The following MTMR9 variants were observed in gnomAD, a reference collection of about 807,000 sequenced individuals.
MTMR9 encodes the protein myotubularin-related protein 9.
In MTMR9, 39 loss-of-function variants were observed where a neutral mutation model predicts 69.5. The ratio of observed to expected loss-of-function variants is 0.56; its 90% CI spans 0.43 to 0.73. The LOEUF (loss-of-function observed/expected upper bound fraction) is 0.73, where lower values mean the gene tolerates loss of function less well. Ranked by LOEUF, MTMR9 falls within the 30% of genes least tolerant of loss-of-function variation. The pLI is 0.00. For missense variants in MTMR9, 900 were observed against 671.2 expected (o/e 1.34, Z -3.77); for synonymous variants, 354 against 240.8 (o/e 1.47, Z -4.35).
In MTMR9 at chr8:11,306,427, G is replaced by A. The variant is rs978993154; in HGVS notation, c.809+20G>A. Reference sequence around the variant, plus strand: ...TGAGAGGTAAAAGATTCCAAAGATAGTACAGACTCTTATTAGAAGCTAATT... The same window carrying A: ...TGAGAGGTAAAAGATTCCAAAGATAATACAGACTCTTATTAGAAGCTAATT... On this transcript the variant is annotated intron_variant, in intron 5 of 9. Transcript: ENST00000221086. The A allele has an allele frequency of 1.9e-6, 3 of 1,605,348 alleles. No homozygotes were observed. The highest frequency in any genetic ancestry group is 2.2e-5 in the East Asian group (1 of 44,820).
intron 3 of MTMR9, among the ~76,000 whole-genome samples, chr8:11,301,566 G>A (rs925791285): frequency 6.6e-6 from 1 of 152,166 alleles, no homozygotes. Flanking sequence ...AGAAAGCACA[G>A]GAGAAAATCT....
the MTMR9 span, among the ~76,000 whole-genome samples, chr8:11,334,546 A>C: frequency 6.6e-5 from 10 of 151,162 alleles, no homozygotes; most frequent in African/African-American, 2.4e-4. Context: ...GAATCAAAAG[A>C]TATCACTACC....
intron 2 of MTMR9, among the ~76,000 whole-genome samples, chr8:11,299,079 A>G (rs1354123915): frequency 2.6e-5 from 4 of 152,150 alleles, no homozygotes; most frequent in Non-Finnish European, 4.4e-5. Context: ...TGTAATCCCA[A>G]TACTTTGAGA....
chr8:11,311,413 T>C (rs1800193384), intron 6 of MTMR9, among the ~76,000 whole-genome samples: 1 of 152,228 alleles, frequency 6.6e-6, no homozygotes, highest in African/African-American at 2.4e-5. Context: ...ATGTTGCAGG[T>C]TTGGTTCCAG....
intron 1 of MTMR9, among the ~76,000 whole-genome samples, chr8:11,292,035 C>T (rs1028418223): frequency 1.3e-4 from 20 of 152,224 alleles, no homozygotes; most frequent in Admixed American, 2.0e-4. Context: ...GGTGCCCTTT[C>T]GTAATCCCTT....
At chr8:11,328,869 C>G (rs1801066602), downstream of MTMR9, among the ~76,000 whole-genome samples, 1 of 152,180 alleles carries the variant, frequency 6.6e-6, no homozygotes, top group African/African-American at 2.4e-5. Context: ...AGAAACAGCA[C>G]CACTGTTGGA....
intron 1 of MTMR9, among the ~76,000 whole-genome samples, chr8:11,288,522 G>T (rs1529856): frequency 1.3e-5 from 2 of 151,316 alleles, no homozygotes; most frequent in African/African-American, 4.9e-5. Flanking sequence ...AACTGTGAGT[G>T]TCTGGGGGAA....
intron 3 of MTMR9, among the ~76,000 whole-genome samples, chr8:11,302,878 G>A (rs1289470666): frequency 1.3e-5 from 2 of 151,976 alleles, no homozygotes. Flanking sequence ...ATGCAACAAA[G>A]ATTATTGGGT....
chr8:11,289,352 A>G (rs1799300713), intron 1 of MTMR9, among the ~76,000 whole-genome samples: 1 of 152,244 alleles, frequency 6.6e-6, no homozygotes, highest in Non-Finnish European at 1.5e-5. Flanking sequence ...TGGGCAAACT[A>G]CTTAACCTCG....
the MTMR9 span, among the ~76,000 whole-genome samples, chr8:11,337,936 A>G: frequency 6.6e-6 from 1 of 152,238 alleles, no homozygotes; most frequent in Admixed American, 6.5e-5. Flanking sequence ...ATGAATATAA[A>G]TAGAATCAAA....
the MTMR9 span, among the ~76,000 whole-genome samples, chr8:11,333,184 CAA>C: frequency 6.6e-6 from 1 of 152,072 alleles, no homozygotes; most frequent in Non-Finnish European, 1.5e-5. Flanking sequence ...ACCATAAACT[CAA>C]AGAGATTCAT....
At position 11,300,020 on chromosome 8, in the gene MTMR9, C is replaced by T. The variant is rs1422825767; in HGVS notation, c.292-3C>T. On this transcript the variant is annotated splice_region_variant and splice_polypyrimidine_tract_variant and intron_variant, in intron 2 of 9. Coordinates refer to ENST00000221086, the MANE Select transcript of MTMR9 (RefSeq NM_015458.4). Reference sequence around the variant, plus strand: ...TTTGTCTTTCTTTTCTTTTTGCCCCCAGGCATTGTCTACTCTGGACTCCAT... The same window carrying T: ...TTTGTCTTTCTTTTCTTTTTGCCCCTAGGCATTGTCTACTCTGGACTCCAT... The T allele has an allele frequency of 6.2e-7, 1 of 1,605,150 alleles. No individual in the cohort carries two copies. The highest frequency in any genetic ancestry group is 2.2e-5 in the East Asian group (1 of 44,656).
intron 6 of MTMR9, 64 bp downstream of exon 6, chr8:11,309,752 C>T (rs1287221683): frequency 1.3e-6 from 2 of 1,550,466 alleles, no homozygotes; most frequent in African/African-American, 1.4e-5. Flanking sequence ...TGTGTTTATC[C>T]AGACATATGT....
chr8:11,318,347 C>G (rs964973106), intron 8 of MTMR9: 8 of 152,184 alleles, frequency 5.3e-5, no homozygotes, highest in African/African-American at 1.9e-4. Context: ...CCTTGTCATC[C>G]CTGGTTCCTG....
chr8:11,329,790 A>G (rs901391122), downstream of MTMR9, among the ~76,000 whole-genome samples: 1 of 149,290 alleles, frequency 6.7e-6, no homozygotes, highest in Non-Finnish European at 1.5e-5. Flanking sequence ...CTGGGATGTG[A>G]GGAGCCCCTC....
At chr8:11,333,934 C>T in the MTMR9 span, among the ~76,000 whole-genome samples, 2 of 152,206 alleles carry the variant, frequency 1.3e-5, no homozygotes, top group African/African-American at 4.8e-5. Context: ...GCTCTGCCCT[C>T]ATATATGGAT....
rs1176158106 is a variant in MTMR9 at position 11,306,259 on chromosome 8, A to C, written c.661A>C (p.Ile221Leu). Residue 221 changes from isoleucine to leucine, a missense_variant, in exon 5 of 10, where the codon ATA becomes CTA. Ile to Leu is a conservative substitution (Grantham distance 5). Coordinates refer to ENST00000221086, the MANE Select transcript of MTMR9 (RefSeq NM_015458.4). ...GAGGTGCAAGGAGGACGAGAAGCTG[A>C]TAAATGCTACCCTCAGGGCTGGAAA... ...GRRCKEDEKLINATLRAGKRG... is the reference protein window; with the variant it reads ...GRRCKEDEKLLNATLRAGKRG... 6.2e-7 allele frequency: 1 copy of C among 1,613,894 alleles called. No individual in the cohort carries two copies. Among genetic ancestry groups the C allele is most frequent in the Non-Finnish European group, 8.5e-7 (1 of 1,179,956 alleles).
chr8:11,330,406 G>T (rs1056554443), downstream of MTMR9, among the ~76,000 whole-genome samples: 1 of 152,072 alleles, frequency 6.6e-6, no homozygotes, highest in Non-Finnish European at 1.5e-5. Context: ...CCACCACCCC[G>T]TCTGGGAGGT....
At chr8:11,302,199 G>T (rs1398858891) in intron 3 of MTMR9, among the ~76,000 whole-genome samples, 1 of 134,362 alleles carries the variant, frequency 7.4e-6, no homozygotes, top group Non-Finnish European at 1.5e-5. Flanking sequence ...TTTGCAGTGA[G>T]CAGTGATAAT....
Sources: allele counts gnomAD v4.1 joint callset (sites outside exome capture counted in the v4.1 genomes callset), GRCh38; gene constraint gnomAD v4.1.1; transcripts MANE v1.5; gene names NCBI Gene and HGNC (gene_info 2026-07-23, HGNC 2026-07-21).